The following SMARCC1 variants were observed in gnomAD, a reference collection of about 807,000 sequenced individuals.
SMARCC1 encodes the protein SWI/SNF related BAF chromatin remodeling complex subunit C1.
SMARCC1 carries 43 observed loss-of-function variants against 147.4 expected under a neutral mutation model. The observed-to-expected ratio is 0.29, with a 90% CI of 0.23 to 0.38. The LOEUF (loss-of-function observed/expected upper bound fraction) is 0.38. Among genes scored for constraint, SMARCC1 ranks in the 10% least tolerant of loss-of-function variants. The probability of loss-of-function intolerance (pLI) is 1.00; values close to 1 mark genes in which losing one functional copy is unlikely to be tolerated. For synonymous variants in SMARCC1, 495 were observed against 484.4 expected, an observed-to-expected ratio of 1.02 and a Z score of -0.29; for missense variants, 1,119 against 1,381.1, an observed-to-expected ratio of 0.81 and a Z score of 3.01.
intron 14 of SMARCC1, among the ~76,000 whole-genome samples, chr3:47,684,949 T>A (rs1002383773): frequency 6.6e-6 from 1 of 152,190 alleles, no homozygotes; most frequent in Non-Finnish European, 1.5e-5. Flanking sequence ...AGAACAAGTA[T>A]AACAATTTAT....
rs1268188970 is a variant in SMARCC1, at chr3:47,585,532, TCA to T, written c.*2675_*2676del. On this transcript the variant is annotated 3_prime_UTR_variant, in exon 28 of 28. Coordinates refer to ENST00000254480, the MANE Select transcript of SMARCC1 (RefSeq NM_003074.4). ...GTACCCAAAAGCTGTCCCCCAAGGTTCACAGAATCTTCTGCCCTCAAGGCCTG... is the reference window on the plus strand; with the variant it reads ...GTACCCAAAAGCTGTCCCCCAAGGTTCAGAATCTTCTGCCCTCAAGGCCTG... The T allele has an allele frequency of 6.6e-6, 1 of 152,228 alleles. No homozygotes were observed. Among genetic ancestry groups the T allele is most frequent in the Non-Finnish European group, 1.5e-5 (1 of 68,036 alleles). 9.4% of individuals were successfully genotyped at this position (152,228 alleles called of 1,614,324 possible). A position where few individuals can be genotyped will look rare whatever the true frequency, so the allele number is the denominator to read the frequency against.
At chr3:47,676,846 C>T (rs905041643) in intron 16 of SMARCC1, 64 bp from the exon 17 acceptor site, 2 of 1,383,758 alleles carry the variant, frequency 1.4e-6, no homozygotes, top group East Asian at 4.6e-5. Context: ...TTACTATCAT[C>T]ATCATGCCAT....
chr3:47,781,312 G>A (rs750555839), intron 1 of SMARCC1, among the ~76,000 whole-genome samples: 4 of 152,204 alleles, frequency 2.6e-5, no homozygotes, highest in Non-Finnish European at 4.4e-5. Context: ...TGACAAAAGA[G>A]AGAGAGTCAC....
At chr3:47,596,503 G>A (rs1278613624) in intron 26 of SMARCC1, among the ~76,000 whole-genome samples, 8 of 151,316 alleles carry the variant, frequency 5.3e-5, no homozygotes, top group Non-Finnish European at 8.8e-5. Flanking sequence ...GGAGGCGGAG[G>A]TTGCAGTGAG....
At chr3:47,632,389 T>C (rs2032904586) in intron 24 of SMARCC1, among the ~76,000 whole-genome samples, 1 of 152,112 alleles carries the variant, frequency 6.6e-6, no homozygotes, top group African/African-American at 2.4e-5. Context: ...CCTCCTGCCT[T>C]GGCCTCCTAA....
intron 11 of SMARCC1, 36 bp downstream of exon 11, chr3:47,701,242 A>AT: frequency 1.3e-6 from 2 of 1,593,060 alleles, no homozygotes; most frequent in Non-Finnish European, 1.7e-6. Flanking sequence ...GAATGACTAA[A>AT]TTAAATCTAA....
intron 24 of SMARCC1, among the ~76,000 whole-genome samples, chr3:47,634,862 A>T (rs2032947743): frequency 6.6e-6 from 1 of 152,250 alleles, no homozygotes; most frequent in African/African-American, 2.4e-5. Flanking sequence ...TTATTGGAAC[A>T]ATAGTCCAAG....
intron 19 of SMARCC1, among the ~76,000 whole-genome samples, chr3:47,667,696 G>A (rs2033439778): frequency 6.6e-6 from 1 of 152,138 alleles, no homozygotes; most frequent in African/African-American, 2.4e-5. Flanking sequence ...GGCCAACATG[G>A]TGAAACCCCG....
At position 47,662,314 on chromosome 3, in the gene SMARCC1, T is replaced by C; in HGVS notation, c.2158+20A>G. The C allele has an allele frequency of 1.9e-6, 3 of 1,599,724 alleles. No homozygotes were observed. Among genetic ancestry groups the C allele is most frequent in the South Asian group, 1.1e-5 (1 of 89,216 alleles). On this transcript the variant is annotated intron_variant, in intron 20 of 27. Transcript: ENST00000254480. ...AAACTGAGTTTTTCTGTTGAGGAGA[T>C]GGTTTAGGGAAGTCCATACCCAAAG...
chr3:47,678,448 A>G, intron 15 of SMARCC1, 137 bp from the exon 16 acceptor site: 2 of 460,290 alleles, frequency 4.3e-6, no homozygotes, highest in Middle Eastern at 4.6e-4. Flanking sequence ...CATTGATATT[A>G]TATTGCACAT....
intron 2 of SMARCC1, among the ~76,000 whole-genome samples, chr3:47,767,685 T>A (rs1016705644): frequency 1.4e-4 from 20 of 148,100 alleles, no homozygotes; most frequent in African/African-American, 4.7e-4. Flanking sequence ...TTGGCCAACA[T>A]GGAGAAACCC....
At chr3:47,606,078 C>T (rs1195912008) in intron 26 of SMARCC1, among the ~76,000 whole-genome samples, 2 of 150,904 alleles carry the variant, frequency 1.3e-5, no homozygotes, top group Non-Finnish European at 2.9e-5. Context: ...AATCATGAGA[C>T]TATCTTGTCA....
chr3:47,704,175 T>C (rs1030010381), intron 10 of SMARCC1, among the ~76,000 whole-genome samples: 1 of 152,040 alleles, frequency 6.6e-6, no homozygotes, highest in African/African-American at 2.4e-5. Flanking sequence ...GAAAGACAAG[T>C]GCTGCATGAT....
At chr3:47,746,106 C>A in intron 2 of SMARCC1, 113 bp from the exon 3 acceptor site, 1 of 600,370 alleles carries the variant, frequency 1.7e-6, no homozygotes, top group Admixed American at 3.4e-5. Flanking sequence ...AATTAAACAA[C>A]CTCCTTAAAC....
chr3:47,591,106 C>T (rs1241980214), intron 26 of SMARCC1, among the ~76,000 whole-genome samples: 1 of 152,002 alleles, frequency 6.6e-6, no homozygotes, highest in African/African-American at 2.4e-5. Context: ...GCAAAGGTCC[C>T]CTAAAATAAA....
In SMARCC1 at chr3:47,743,860, G is replaced by T. The variant is rs1311837154; in HGVS notation, c.401+2048C>A. Among the ~76,000 whole-genome samples, 3 of 150,658 alleles carry T rather than the reference G, an allele frequency of 2.0e-5. No homozygotes were observed. In the East Asian group the frequency reaches 5.8e-4, roughly 29 times the overall value. On this transcript the variant is annotated intron_variant, in intron 3 of 27. Coordinates refer to ENST00000254480, the MANE Select transcript of SMARCC1 (RefSeq NM_003074.4). ...ATTGTGCAGAAACTACAGACACAAA[G>T]CAAGTTCCACAATATGTGACCTAGG...
chr3:47,716,237 T>C (rs1011038740), intron 7 of SMARCC1, among the ~76,000 whole-genome samples: 14 of 151,440 alleles, frequency 9.2e-5, no homozygotes, highest in African/African-American at 3.2e-4. Flanking sequence ...GCCAACATGG[T>C]GAAATCCCGT....
chr3:47,776,020 T>C (rs1236674637), intron 1 of SMARCC1, among the ~76,000 whole-genome samples: 1 of 151,836 alleles, frequency 6.6e-6, no homozygotes, highest in Non-Finnish European at 1.5e-5. Context: ...TGGTGGTGCA[T>C]GCCTATAATC....
At chr3:47,639,706 T>C (rs528679111) in intron 21 of SMARCC1, among the ~76,000 whole-genome samples, 1 of 141,922 alleles carries the variant, frequency 7.0e-6, no homozygotes, top group East Asian at 2.1e-4. Flanking sequence ...AGAGTGAGAC[T>C]ACATCTCAAA....
Sources: allele counts gnomAD v4.1 joint callset (sites outside exome capture counted in the v4.1 genomes callset), GRCh38; gene constraint gnomAD v4.1.1; transcripts MANE v1.5; gene names NCBI Gene and HGNC (gene_info 2026-07-23, HGNC 2026-07-21).